GRID2: variants seen among roughly 807,000 people sequenced by gnomAD.
GRID2 encodes glutamate receptor ionotropic, delta-2.
Under a neutral mutation model 114.8 loss-of-function variants are expected in GRID2, and 33 were observed. The observed-to-expected ratio is 0.29, with a 90% CI of 0.22 to 0.38. GRID2 has a LOEUF of 0.38. Among genes scored for constraint, GRID2 ranks in the 10% least tolerant of loss-of-function variants. The pLI is 1.00. For missense variants in GRID2, 1,184 were observed against 1,257.7 expected (o/e 0.94, Z 0.89); for synonymous variants, 505 against 449.9 (o/e 1.12, Z -1.55).
At chr4:93,684,908 G>T (rs963370180) in intron 14 of GRID2, among the ~76,000 whole-genome samples, 3 of 151,990 alleles carry the variant, frequency 2.0e-5, no homozygotes, top group African/African-American at 7.2e-5. Context: ...TTTAGAAATA[G>T]ATTTAAAATC....
At chr4:93,339,097 G>A (rs1014469638) in intron 8 of GRID2, among the ~76,000 whole-genome samples, 1 of 152,112 alleles carries the variant, frequency 6.6e-6, no homozygotes, top group Non-Finnish European at 1.5e-5. Flanking sequence ...TACCTATTCT[G>A]GAGGCATTGC....
chr4:92,342,931 C>T (rs372877177), intron 1 of GRID2, among the ~76,000 whole-genome samples: 2 of 151,766 alleles, frequency 1.3e-5, no homozygotes, highest in East Asian at 1.9e-4. Flanking sequence ...GTGTACACCA[C>T]GAATGAATGG....
At chr4:92,824,930 GATAA>G (rs1286110420) in intron 2 of GRID2, among the ~76,000 whole-genome samples, 2 of 151,612 alleles carry the variant, frequency 1.3e-5, no homozygotes, top group African/African-American at 4.8e-5. Context: ...ATGATAACCA[GATAA>G]ATATATGAAA....
rs144614561 is a variant in GRID2 at position 92,799,274 on chromosome 4, C to T, written c.244+208988C>T. On this transcript the variant is annotated intron_variant, in intron 2 of 15. Transcript: ENST00000282020. ...TCTCATGCACAGTTTGCAATAAGGT[C>T]GGTGCTCCTGTGATAACCTAATGCT... Among the ~76,000 whole-genome samples, 37 of 151,930 alleles carry T rather than the reference C, an allele frequency of 2.4e-4. 1 individual carries two copies. The East Asian group carries it at 6.1e-3, about 25-fold the overall frequency.
At chr4:92,501,600 T>C (rs865916922) in intron 1 of GRID2, among the ~76,000 whole-genome samples, 2 of 152,120 alleles carry the variant, frequency 1.3e-5, no homozygotes, top group African/African-American at 4.8e-5. Flanking sequence ...GTAAGCTCTT[T>C]AGTAACCTCT....
At chr4:93,508,357 C>T (rs1728854072) in intron 12 of GRID2, among the ~76,000 whole-genome samples, 1 of 151,822 alleles carries the variant, frequency 6.6e-6, no homozygotes, top group Non-Finnish European at 1.5e-5. Context: ...CCACCATGCT[C>T]AGCTAAGTTT....
intron 2 of GRID2, among the ~76,000 whole-genome samples, chr4:92,772,031 A>C (rs1442753977): frequency 6.6e-6 from 1 of 152,206 alleles, no homozygotes; most frequent in Non-Finnish European, 1.5e-5. Context: ...GAACACTGGA[A>C]ACCTAGCTAA....
intron 1 of GRID2, among the ~76,000 whole-genome samples, chr4:92,567,149 C>G (rs994284382): frequency 1.3e-5 from 2 of 151,952 alleles, no homozygotes; most frequent in Non-Finnish European, 2.9e-5. Context: ...TATGAAATAA[C>G]CTGCAATACC....
chr4:93,324,196 G>A (rs2149215126), intron 8 of GRID2, among the ~76,000 whole-genome samples: 1 of 152,204 alleles, frequency 6.6e-6, no homozygotes, highest in South Asian at 2.1e-4. Context: ...GTCATAAATA[G>A]CTCTTATTAT....
At chr4:93,233,996 A>G (rs536758968) in intron 7 of GRID2, among the ~76,000 whole-genome samples, 1 of 152,234 alleles carries the variant, frequency 6.6e-6, no homozygotes, top group Admixed American at 6.6e-5. Flanking sequence ...ATACTTAGAG[A>G]AATGGAGACA....
Position 92,916,927 on chromosome 4 carries a change from A to G in GRID2, c.245-168068A>G, listed in dbSNP as rs181844480. ...GTAATTCTAGTTCTTAGATCCCTGAAGAATCGCCACACTGACTTCCACAAT... is the reference window on the plus strand; with the variant it reads ...GTAATTCTAGTTCTTAGATCCCTGAGGAATCGCCACACTGACTTCCACAAT... On this transcript the variant is annotated intron_variant, in intron 2 of 15. Transcript: ENST00000282020. Among the ~76,000 whole-genome samples, 5 of 152,232 alleles carry G rather than the reference A, an allele frequency of 3.3e-5. No individual in the cohort carries two copies. In the East Asian group the frequency reaches 7.7e-4, roughly 24 times the overall value.
intron 4 of GRID2, among the ~76,000 whole-genome samples, chr4:93,156,262 AC>A (rs1167787739): frequency 6.6e-6 from 1 of 151,894 alleles, no homozygotes; most frequent in East Asian, 1.9e-4. Flanking sequence ...AATAGAGAGG[AC>A]TTACTTGAAT....
At chr4:92,383,270 C>T (rs1373233230) in intron 1 of GRID2, among the ~76,000 whole-genome samples, 1 of 151,846 alleles carries the variant, frequency 6.6e-6, no homozygotes, top group Non-Finnish European at 1.5e-5. Flanking sequence ...CAAAACATAC[C>T]ACATTGTTAG....
intron 10 of GRID2, among the ~76,000 whole-genome samples, chr4:93,425,801 G>A (rs186516027): frequency 4.1e-4 from 63 of 152,148 alleles, no homozygotes; most frequent in Non-Finnish European, 7.5e-4. Context: ...CCCCATCCCC[G>A]CTGAACTGAA....
At chr4:92,729,304 C>T (rs1046397161) in intron 2 of GRID2, among the ~76,000 whole-genome samples, 5 of 152,058 alleles carry the variant, frequency 3.3e-5, no homozygotes, top group African/African-American at 7.2e-5. Context: ...CCACTTGTGT[C>T]CTCAGAACAC....
intron 2 of GRID2, among the ~76,000 whole-genome samples, chr4:92,843,583 T>A (rs1261611758): frequency 6.6e-6 from 1 of 152,088 alleles, no homozygotes; most frequent in Non-Finnish European, 1.5e-5. Flanking sequence ...AAATACAATA[T>A]CATGAGAAGA....
intron 14 of GRID2, among the ~76,000 whole-genome samples, chr4:93,631,432 T>C (rs1201560458): frequency 6.6e-6 from 1 of 152,174 alleles, no homozygotes; most frequent in African/African-American, 2.4e-5. Flanking sequence ...GTTCTCATTG[T>C]TCAATTCCCA....
At chr4:93,465,685 A>G (rs1226371347) in intron 11 of GRID2, among the ~76,000 whole-genome samples, 1 of 152,192 alleles carries the variant, frequency 6.6e-6, no homozygotes, top group Non-Finnish European at 1.5e-5. Flanking sequence ...AATCAGCCAT[A>G]TTGTTTAATC....
intron 1 of GRID2, among the ~76,000 whole-genome samples, chr4:92,346,651 C>G (rs1402233544): frequency 6.6e-6 from 1 of 152,152 alleles, no homozygotes; most frequent in East Asian, 1.9e-4. Context: ...CCACCGTGCC[C>G]AGCCTATTTC....
Sources: gnomAD v4.1 joint callset for allele counts (sites outside exome capture counted in the v4.1 genomes callset) on GRCh38, gnomAD v4.1.1 for gene constraint, MANE v1.5 for transcripts, NCBI Gene and HGNC (gene_info 2026-07-23, HGNC 2026-07-21) for gene names.